FMNL2: variants seen among roughly 807,000 people sequenced by gnomAD.
The protein encoded by FMNL2 is formin-like protein 2.
FMNL2 carries 51 observed loss-of-function variants against 130.2 expected under a neutral mutation model. That is an observed-to-expected ratio of 0.39 (90% CI 0.31 to 0.49). FMNL2 has a LOEUF of 0.49. Ranked by LOEUF, FMNL2 falls within the 20% of genes least tolerant of loss-of-function variation. The probability of loss-of-function intolerance (pLI) is 0.85; values close to 1 mark genes in which losing one functional copy is unlikely to be tolerated. For synonymous variants in FMNL2, 465 were observed against 467.1 expected, an observed-to-expected ratio of 1.00 and a Z score of 0.06; for missense variants, 977 against 1,316.2, an observed-to-expected ratio of 0.74 and a Z score of 3.99.
chr2:152,448,901 C>G (rs566404510), intron 1 of FMNL2, among the ~76,000 whole-genome samples: 12 of 152,344 alleles, frequency 7.9e-5, no homozygotes, highest in African/African-American at 2.9e-4. Context: ...TGAAGAGTCT[C>G]TGAAATACAG....
At chr2:152,584,660 T>C (rs1330023440) in intron 9 of FMNL2, among the ~76,000 whole-genome samples, 1 of 152,222 alleles carries the variant, frequency 6.6e-6, no homozygotes, top group Non-Finnish European at 1.5e-5. Flanking sequence ...CCCCTCTACC[T>C]CTTGAGCCAA....
chr2:152,560,982 G>A lies in FMNL2; in HGVS notation c.543G>A (p.Leu181=). 13 of 1,606,300 alleles carry A rather than the reference G, an allele frequency of 8.1e-6. No individual in the cohort carries two copies. The highest frequency in any genetic ancestry group is 1.0e-5 in the Non-Finnish European group (12 of 1,176,228). ...AGGACCTGCACAGAGGGAGCAACCT[G>A]CCCTCACCTGTGGGCAACAGTGTCT... ...SIEDLHRGSN[L]PSPVGNSVSR... is the part of the protein sequence containing the mutation. Residue 181 remains leucine, a synonymous_variant, in exon 6 of 26, where the codon CTG becomes CTA. Coordinates refer to ENST00000288670, the MANE Select transcript of FMNL2 (RefSeq NM_052905.4).
intron 1 of FMNL2, among the ~76,000 whole-genome samples, chr2:152,447,716 A>C (rs1162954881): frequency 2.0e-5 from 3 of 152,142 alleles, no homozygotes; most frequent in African/African-American, 7.2e-5. Flanking sequence ...TGCTGCTAAT[A>C]ACTTCCTTAC....
At chr2:152,585,130 C>T (rs547318301) in intron 9 of FMNL2, among the ~76,000 whole-genome samples, 178 of 152,316 alleles carry the variant, frequency 1.2e-3, no homozygotes, top group African/African-American at 4.2e-3. Context: ...AAATCATTAA[C>T]AGTCAACCAT....
chr2:152,466,335 A>C (rs1689533853), intron 1 of FMNL2, among the ~76,000 whole-genome samples: 1 of 152,218 alleles, frequency 6.6e-6, no homozygotes, highest in Non-Finnish European at 1.5e-5. Context: ...TTATCTTTGA[A>C]GAAAATGTTT....
rs578190812 is a variant in FMNL2, at chr2:152,530,468, G to A, written c.201+8442G>A. On this transcript the variant is annotated intron_variant, in intron 2 of 25. Transcript: ENST00000288670. ...GATGCCTGATTCTGAAAAATTTTAT[G>A]TTTAAAAAAGTTTTTTGAGAAAACC... Among the ~76,000 whole-genome samples the A allele has an allele frequency of 2.0e-4, 31 of 152,176 alleles. No individual in the cohort carries two copies. The East Asian group carries it at 5.6e-3, about 27-fold the overall frequency.
At chr2:152,603,076 A>C (rs1698171796) in intron 9 of FMNL2, among the ~76,000 whole-genome samples, 2 of 152,162 alleles carry the variant, frequency 1.3e-5, no homozygotes, top group African/African-American at 4.8e-5. Flanking sequence ...TGCTAAAGTA[A>C]TGGAGAAACA....
intron 9 of FMNL2, among the ~76,000 whole-genome samples, chr2:152,584,438 C>A (rs1312471435): frequency 6.6e-6 from 1 of 152,086 alleles, no homozygotes; most frequent in Non-Finnish European, 1.5e-5. Flanking sequence ...AAAGGATTAT[C>A]TTTGTTTTTA....
chr2:152,500,614 G>A (rs1393795693), intron 1 of FMNL2, among the ~76,000 whole-genome samples: 1 of 152,174 alleles, frequency 6.6e-6, no homozygotes, highest in African/African-American at 2.4e-5. Flanking sequence ...CTTGGAGGTC[G>A]AGGTCGGTGG....
chr2:152,634,253 C>T (rs901711178), intron 21 of FMNL2, among the ~76,000 whole-genome samples: 3 of 151,972 alleles, frequency 2.0e-5, no homozygotes, highest in African/African-American at 7.3e-5. Context: ...GCCAACATAG[C>T]GAAACCCTGT....
chr2:152,353,256 T>C (rs1347392235), intron 1 of FMNL2, among the ~76,000 whole-genome samples: 1 of 152,218 alleles, frequency 6.6e-6, no homozygotes, highest in Non-Finnish European at 1.5e-5. Flanking sequence ...CTAGACAACT[T>C]ACTTTGGCTG....
At chr2:152,594,926 G>T (rs564872982) in intron 9 of FMNL2, among the ~76,000 whole-genome samples, 1 of 152,246 alleles carries the variant, frequency 6.6e-6, no homozygotes, top group South Asian at 2.1e-4. Flanking sequence ...TGGTCCAACA[G>T]TCACTGTCAG....
At chr2:152,567,915 G>A (rs1200827153) in intron 6 of FMNL2, among the ~76,000 whole-genome samples, 5 of 152,076 alleles carry the variant, frequency 3.3e-5, no homozygotes, top group African/African-American at 1.2e-4. Context: ...TTCCCATTAG[G>A]GCTTAGATAT....
chr2:152,610,389 C>G (rs1394776939), intron 10 of FMNL2, among the ~76,000 whole-genome samples: 3 of 152,030 alleles, frequency 2.0e-5, no homozygotes, highest in Non-Finnish European at 4.4e-5. Flanking sequence ...CTGTACAATC[C>G]TTACCACAAT....
At chr2:152,642,511 G>T (rs148611020) in intron 25 of FMNL2, among the ~76,000 whole-genome samples, 365 of 152,334 alleles carry the variant, frequency 2.4e-3, no homozygotes, top group Non-Finnish European at 3.4e-3. Context: ...TGGTATCTCA[G>T]TGTACATAGT....
intron 1 of FMNL2, among the ~76,000 whole-genome samples, chr2:152,481,948 A>C (rs1214769684): frequency 6.6e-6 from 1 of 152,118 alleles, no homozygotes; most frequent in Non-Finnish European, 1.5e-5. Context: ...CTTAAATCAC[A>C]CTGCCTCAGT....
At chr2:152,601,681 T>C (rs1698079632) in intron 9 of FMNL2, among the ~76,000 whole-genome samples, 1 of 147,536 alleles carries the variant, frequency 6.8e-6, no homozygotes, top group Admixed American at 6.7e-5. Context: ...CTTTTTTTTT[T>C]TTTTTTGAGA....
At chr2:152,530,245 G>A (rs1240398859) in intron 2 of FMNL2, among the ~76,000 whole-genome samples, 1 of 152,156 alleles carries the variant, frequency 6.6e-6, no homozygotes, top group Non-Finnish European at 1.5e-5. Flanking sequence ...ATTAAGGCAG[G>A]TTAGCTAAGA....
intron 1 of FMNL2, among the ~76,000 whole-genome samples, chr2:152,337,438 G>A (rs1357964268): frequency 2.0e-5 from 3 of 149,820 alleles, no homozygotes; most frequent in African/African-American, 4.9e-5. Context: ...AATACTTGTG[G>A]TGGAGGAGCC....
Sources: gnomAD v4.1 joint callset for allele counts (sites outside exome capture counted in the v4.1 genomes callset) on GRCh38, gnomAD v4.1.1 for gene constraint, MANE v1.5 for transcripts, NCBI Gene and HGNC (gene_info 2026-07-23, HGNC 2026-07-21) for gene names.